Variants in NRG1 observed in about 807,000 individuals in gnomAD.
The protein encoded by NRG1 is pro-neuregulin-1, membrane-bound isoform.
Under a neutral mutation model 63.8 loss-of-function variants are expected in NRG1, and 18 were observed. That is an observed-to-expected ratio of 0.28 (90% CI 0.19 to 0.42). The LOEUF is 0.42. NRG1 is among the 10% of genes least tolerant of loss of function. NRG1 has a pLI of 1.00. For synonymous variants in NRG1, 302 were observed against 301.3 expected (o/e 1.00, Z -0.02); for missense variants, 762 against 814.7 (o/e 0.94, Z 0.79).
chr8:31,691,526 C>T (rs900392646), intron 1 of NRG1, among the ~76,000 whole-genome samples: 2 of 123,398 alleles, frequency 1.6e-5, no homozygotes, highest in African/African-American at 3.1e-5. Flanking sequence ...ACCCGGGAGG[C>T]GGAGCTTGCA....
intron 1 of NRG1, among the ~76,000 whole-genome samples, chr8:31,981,326 A>G (rs554120254): frequency 6.6e-6 from 1 of 151,930 alleles, no homozygotes; most frequent in African/African-American, 2.4e-5. Context: ...TTTTTTTCCT[A>G]AAAAAACCCA....
intron 1 of NRG1, among the ~76,000 whole-genome samples, chr8:32,508,807 G>A (rs1011187457): frequency 8.7e-5 from 13 of 149,166 alleles, no homozygotes; most frequent in Non-Finnish European, 1.3e-4. Context: ...GCAATCTTGG[G>A]TCACTGCAAC....
At chr8:32,137,274 T>C (rs1166322367) in intron 1 of NRG1, among the ~76,000 whole-genome samples, 1 of 151,992 alleles carries the variant, frequency 6.6e-6, no homozygotes, top group African/African-American at 2.4e-5. Flanking sequence ...GGCGAAACCC[T>C]GTCTCTACTA....
intron 1 of NRG1, among the ~76,000 whole-genome samples, chr8:32,514,680 G>A (rs893228997): frequency 6.6e-6 from 1 of 152,116 alleles, no homozygotes; most frequent in Non-Finnish European, 1.5e-5. Flanking sequence ...TAGGAAATAA[G>A]CAAGTATTTT....
intron 1 of NRG1, among the ~76,000 whole-genome samples, chr8:32,587,675 A>G (rs1226688991): frequency 6.6e-6 from 1 of 152,152 alleles, no homozygotes; most frequent in Non-Finnish European, 1.5e-5. Context: ...TTCAGCAGAC[A>G]CTTGAAGTCC....
intron 1 of NRG1, among the ~76,000 whole-genome samples, chr8:32,397,472 A>G (rs907152725): frequency 2.6e-5 from 4 of 151,894 alleles, no homozygotes; most frequent in South Asian, 4.2e-4. Flanking sequence ...CCAAGTATCT[A>G]TACTCTTTTA....
chr8:32,124,637 G>A lies in NRG1; in HGVS notation c.38-471191G>A, dbSNP rs576589426. Among the ~76,000 whole-genome samples the A allele has an allele frequency of 5.8e-4, 88 of 151,998 alleles. No individual in the cohort carries two copies. In the South Asian group the frequency reaches 0.018, roughly 30 times the overall value. On this transcript the variant is annotated intron_variant, in intron 1 of 10. Coordinates refer to the NRG1 transcript ENST00000519301. ...CTTGTGCTCCCTATGTCATTTTGAT[G>A]TACCAGGCCATTCACTGTATCTATA...
chr8:31,955,352 A>G (rs1368726485), intron 1 of NRG1, among the ~76,000 whole-genome samples: 1 of 152,236 alleles, frequency 6.6e-6, no homozygotes. Context: ...AACATGCAAT[A>G]CAGATCCTTT....
chr8:32,394,177 T>A (rs1356617918), intron 1 of NRG1, among the ~76,000 whole-genome samples: 1 of 152,192 alleles, frequency 6.6e-6, no homozygotes, highest in African/African-American at 2.4e-5. Context: ...CTATATCTGG[T>A]CTTTATCTCT....
intron 1 of NRG1, among the ~76,000 whole-genome samples, chr8:31,814,647 A>G (rs1485668278): frequency 1.3e-5 from 2 of 148,170 alleles, no homozygotes. Flanking sequence ...AATATTAAAT[A>G]ATTTAAAATT....
chr8:32,144,386 G>GGT (rs58220737), intron 1 of NRG1, among the ~76,000 whole-genome samples: 4,853 of 150,948 alleles, frequency 0.032, 253 homozygotes, highest in African/African-American at 0.11. Context: ...TGTTTATGGA[G>GGT]GTGTGTGTGT....
At chr8:31,741,772 T>G (rs556213476) in intron 1 of NRG1, among the ~76,000 whole-genome samples, 1 of 152,122 alleles carries the variant, frequency 6.6e-6, no homozygotes, top group African/African-American at 2.4e-5. Flanking sequence ...GCTTTGGAAA[T>G]AATTTGGCAT....
chr8:31,922,211 T>C (rs1833978008), intron 1 of NRG1, among the ~76,000 whole-genome samples: 1 of 152,184 alleles, frequency 6.6e-6, no homozygotes, highest in Non-Finnish European at 1.5e-5. Flanking sequence ...GTTATCGCAT[T>C]AGTTGTTTTC....
chr8:31,717,685 A>C (rs1290488242), intron 1 of NRG1, among the ~76,000 whole-genome samples: 1 of 152,120 alleles, frequency 6.6e-6, no homozygotes, highest in East Asian at 1.9e-4. Context: ...AGTGATTTAC[A>C]ATCTTTTAAA....
chr8:32,605,971 T>G lies in NRG1; in HGVS notation c.400+288T>G, dbSNP rs111611204. On this transcript the variant is annotated intron_variant, in intron 3 of 11. Transcript: ENST00000356819. ...AAAATATAGGGGCTATACTATTTTT[T>G]TAAGTTGGTCAGTGAGGGCAGTCAA... 6.0e-3 allele frequency among the ~76,000 whole-genome samples: 910 copies of G among 151,992 alleles called. 7 individuals carry two copies. Among genetic ancestry groups the G allele is most frequent in the Non-Finnish European group, 9.1e-3 (619 of 67,940 alleles).
rs745530963 is a variant in NRG1, at chr8:32,722,050, TA to T, written c.503-5891del. The T allele has an allele frequency of 1.0e-5, 16 of 1,543,332 alleles. No homozygotes were observed. The Admixed American group carries it at 1.4e-4, about 14-fold the overall frequency. ...GCATTGAAGATATTACAGGTAAGGTTAAAAAAAATCTGTAATTTTGTAGTGA... is the reference window on the plus strand; with the variant it reads ...GCATTGAAGATATTACAGGTAAGGTTAAAAAAATCTGTAATTTTGTAGTGA... On this transcript the variant is annotated intron_variant, in intron 5 of 11. Coordinates refer to ENST00000356819, the Ensembl canonical transcript of NRG1.
intron 1 of NRG1, among the ~76,000 whole-genome samples, chr8:32,033,517 G>T (rs1445607585): frequency 6.6e-6 from 1 of 152,034 alleles, no homozygotes; most frequent in Non-Finnish European, 1.5e-5. Context: ...AAATAGTATT[G>T]AATCTATAAA....
chr8:31,898,390 T>G (rs1255823071), intron 1 of NRG1, among the ~76,000 whole-genome samples: 1 of 152,208 alleles, frequency 6.6e-6, no homozygotes, highest in East Asian at 1.9e-4. Context: ...TCCCATGACA[T>G]AACTATAGTA....
intron 1 of NRG1, among the ~76,000 whole-genome samples, chr8:32,052,494 C>T (rs978541053): frequency 6.6e-6 from 1 of 151,826 alleles, no homozygotes; most frequent in Non-Finnish European, 1.5e-5. Context: ...GCTGGCCAGA[C>T]TGGTCTCAAA....
Sources: allele counts gnomAD v4.1 joint callset (sites outside exome capture counted in the v4.1 genomes callset), GRCh38; gene constraint gnomAD v4.1.1; transcripts MANE v1.5; gene names NCBI Gene and HGNC (gene_info 2026-07-23, HGNC 2026-07-21).